The following SVIL variants were observed in gnomAD, a reference collection of about 807,000 sequenced individuals.
SVIL encodes the protein archvillin.
In SVIL, 101 loss-of-function variants were observed where a neutral mutation model predicts 240.4. The observed-to-expected ratio is 0.42, with a 90% CI of 0.36 to 0.50. SVIL has a LOEUF of 0.50. SVIL is among the 20% of genes least tolerant of loss of function. The pLI, the probability that SVIL is intolerant of heterozygous loss-of-function variation, is 0.01. For synonymous variants in SVIL, 999 were observed against 1,100.0 expected, an observed-to-expected ratio of 0.91 and a Z score of 1.82; for missense variants, 2,512 against 2,818.7, an observed-to-expected ratio of 0.89 and a Z score of 2.46.
intron 16 of SVIL, among the ~76,000 whole-genome samples, chr10:29,517,349 C>T (rs1386694897): frequency 1.3e-5 from 2 of 152,122 alleles, no homozygotes; most frequent in East Asian, 3.9e-4. Flanking sequence ...TCATTTGAGT[C>T]CCAGGAGGTG....
In SVIL at chr10:29,732,943, A is replaced by G. The variant is rs180756677; in HGVS notation, c.-400+2808T>C. 5.7e-3 allele frequency among the ~76,000 whole-genome samples: 874 copies of G among 152,122 alleles called. 7 individuals carry two copies. Among genetic ancestry groups the G allele is most frequent in the African/African-American group, 0.02 (841 of 41,496 alleles). On this transcript the variant is annotated intron_variant, in intron 1 of 35. Coordinates refer to the SVIL transcript ENST00000375400. The stretch of plus-strand genomic sequence containing the variant: ...AGAAAGGGAAATGGCTGAAAGGCCC[A>G]CCACAAAATTACACAGTGGCAAAAC...
At chr10:29,642,175 G>A (rs1029978215) in intron 3 of SVIL, among the ~76,000 whole-genome samples, 1 of 152,108 alleles carries the variant, frequency 6.6e-6, no homozygotes, top group East Asian at 1.9e-4. Context: ...GAGGCAGATG[G>A]CTCACCTGAG....
At chr10:29,499,332 C>A in intron 17 of SVIL, 69 bp from the exon 18 acceptor site, 1 of 1,591,666 alleles carries the variant, frequency 6.3e-7, no homozygotes, top group South Asian at 1.1e-5. Flanking sequence ...CAGCCTGCAG[C>A]ATTTCATGAG....
At chr10:29,619,042 C>T (rs1017713436) in intron 1 of SVIL, among the ~76,000 whole-genome samples, 5 of 152,118 alleles carry the variant, frequency 3.3e-5, no homozygotes, top group African/African-American at 4.8e-5. Context: ...AACCCCTGAA[C>T]GGAAAGATAA....
At chr10:29,603,978 A>C (rs1214798248) in intron 1 of SVIL, among the ~76,000 whole-genome samples, 1 of 152,228 alleles carries the variant, frequency 6.6e-6, no homozygotes, top group African/African-American at 2.4e-5. Flanking sequence ...AAAGTTAAAA[A>C]GTGGCAGAAG....
intron 22 of SVIL, among the ~76,000 whole-genome samples, chr10:29,489,842 C>T (rs1048569567): frequency 6.6e-6 from 1 of 152,030 alleles, no homozygotes; most frequent in African/African-American, 2.4e-5. Flanking sequence ...GCCACCATGC[C>T]CAGTCTGAAA....
intron 11 of SVIL, 51 bp downstream of exon 11, chr10:29,530,556 G>A: frequency 8.7e-6 from 14 of 1,604,858 alleles, no homozygotes; most frequent in Non-Finnish European, 1.2e-5. Flanking sequence ...AAATAGCTGG[G>A]ATTACTGCAC....
chr10:29,615,835 T>C (rs1752792), intron 1 of SVIL, among the ~76,000 whole-genome samples: 12,081 of 152,326 alleles, frequency 0.079, 694 homozygotes, highest in Admixed American at 0.13. Flanking sequence ...TTTAGAGATA[T>C]CTGCCTCTTT....
chr10:29,475,448 T>C (rs948588944), intron 29 of SVIL: 11 of 152,228 alleles, frequency 7.2e-5, no homozygotes, highest in Admixed American at 5.9e-4. Context: ...TGGGCTACAA[T>C]GGTGAACAAG....
chr10:29,672,472 T>C (rs1394781423), intron 2 of SVIL, among the ~76,000 whole-genome samples: 1 of 152,068 alleles, frequency 6.6e-6, no homozygotes, highest in East Asian at 1.9e-4. Flanking sequence ...AGATCCTGTC[T>C]CTAAAAAAAG....
intron 2 of SVIL, among the ~76,000 whole-genome samples, chr10:29,685,931 C>T (rs1350541897): frequency 1.3e-5 from 2 of 152,172 alleles, no homozygotes; most frequent in Non-Finnish European, 2.9e-5. Context: ...TGGAGAGCTT[C>T]GTCCAGGCCA....
At chr10:29,580,097 G>T (rs1429268919) in intron 1 of SVIL, among the ~76,000 whole-genome samples, 1 of 152,032 alleles carries the variant, frequency 6.6e-6, no homozygotes, top group Non-Finnish European at 1.5e-5. Context: ...GAGAGGCCAA[G>T]TCAGGAGGAT....
At chr10:29,500,066 C>T (rs929205776) in intron 17 of SVIL, among the ~76,000 whole-genome samples, 2 of 151,826 alleles carry the variant, frequency 1.3e-5, no homozygotes, top group Non-Finnish European at 2.9e-5. Flanking sequence ...ACAGGGGACT[C>T]AAAGGGCATC....
chr10:29,508,937 G>A (rs1394341823), intron 17 of SVIL, among the ~76,000 whole-genome samples: 1 of 152,186 alleles, frequency 6.6e-6, no homozygotes, highest in East Asian at 1.9e-4. Context: ...CCTTAACGTC[G>A]AATAAACCGA....
At chr10:29,619,058 C>T (rs1297136979) in intron 1 of SVIL, among the ~76,000 whole-genome samples, 1 of 152,192 alleles carries the variant, frequency 6.6e-6, no homozygotes, top group African/African-American at 2.4e-5. Context: ...GATAATCAAA[C>T]ACAGAACAAA....
At chr10:29,687,849 A>C (rs75696385) in intron 1 of SVIL, among the ~76,000 whole-genome samples, 16,655 of 152,280 alleles carry the variant, frequency 0.11, 1,094 homozygotes, top group Admixed American at 0.2. Flanking sequence ...TTATGCCCTT[A>C]AGATGGCTTA....
intron 16 of SVIL, among the ~76,000 whole-genome samples, chr10:29,513,452 C>T (rs148456373): frequency 0.023 from 3,431 of 152,258 alleles, 54 homozygotes; most frequent in Non-Finnish European, 0.037. Context: ...ACAAGAATCG[C>T]TTGAACCTGG....
rs539829800 is a variant in SVIL, at chr10:29,666,528, A to G, written c.-300-8460T>C. Among the ~76,000 whole-genome samples, 6 of 152,294 alleles carry G rather than the reference A, an allele frequency of 3.9e-5. No individual in the cohort carries two copies. The South Asian group carries it at 1.2e-3, about 32-fold the overall frequency. On this transcript the variant is annotated intron_variant, in intron 2 of 35. Transcript: ENST00000375400. ...GATAGGAGTCCACTGCCTCGTACAG[A>G]CGACCCGTGAGCCTGGTACACTTAC... is the stretch of plus-strand genomic sequence containing the variant.
intron 21 of SVIL, among the ~76,000 whole-genome samples, chr10:29,491,649 C>T (rs34094083): frequency 0.079 from 11,946 of 152,174 alleles, 488 homozygotes; most frequent in Admixed American, 0.12. Flanking sequence ...GGGTGGAAAA[C>T]CAGACTAGGG....
Sources: allele counts gnomAD v4.1 joint callset (sites outside exome capture counted in the v4.1 genomes callset), GRCh38; gene constraint gnomAD v4.1.1; transcripts MANE v1.5; gene names NCBI Gene and HGNC (gene_info 2026-07-23, HGNC 2026-07-21).